Variants in NSD1 observed in about 807,000 individuals in gnomAD.
The protein encoded by NSD1 is nuclear receptor binding SET domain protein 1, also known as histone-lysine N-methyltransferase, H3 lysine-36 specific.
Under a neutral mutation model 242.7 loss-of-function variants are expected in NSD1, and 26 were observed. That is an observed-to-expected ratio of 0.11 (90% confidence interval 0.08 to 0.15). NSD1 has a LOEUF of 0.15. Ranked by LOEUF, NSD1 falls within the 10% of genes least tolerant of loss-of-function variation. The pLI, the probability that NSD1 is intolerant of heterozygous loss-of-function variation, is 1.00. For synonymous variants in NSD1, 1,106 were observed against 1,178.1 expected, an observed-to-expected ratio of 0.94 and a Z score of 1.25; for missense variants, 2,495 against 3,272.8, an observed-to-expected ratio of 0.76 and a Z score of 5.80.
intron 2 of NSD1, among the ~76,000 whole-genome samples, chr5:177,156,438 C>T (rs1185537971): frequency 6.6e-6 from 1 of 152,158 alleles, no homozygotes; most frequent in African/African-American, 2.4e-5. Flanking sequence ...CTCAGCCTCC[C>T]AAAGTGTTGG....
At chr5:177,227,344 C>T (rs1198360325) in intron 5 of NSD1, among the ~76,000 whole-genome samples, 2 of 152,066 alleles carry the variant, frequency 1.3e-5, no homozygotes, top group East Asian at 3.8e-4. Flanking sequence ...TTAAAATATA[C>T]CACAACAATA....
intron 20 of NSD1, chr5:177,288,453 T>A (rs1013794751): frequency 1.0e-5 from 3 of 295,650 alleles, no homozygotes; most frequent in Non-Finnish European, 2.0e-5. Context: ...CAAACAGGTT[T>A]TCCTCATACT....
At chr5:177,225,335 G>T (rs1764553118) in intron 5 of NSD1, among the ~76,000 whole-genome samples, 1 of 152,012 alleles carries the variant, frequency 6.6e-6, no homozygotes, top group Non-Finnish European at 1.5e-5. Context: ...TAGAGACGGG[G>T]TTTCACCATA....
intron 12 of NSD1, among the ~76,000 whole-genome samples, chr5:177,253,424 T>C (rs559520641): frequency 6.6e-6 from 1 of 152,314 alleles, no homozygotes; most frequent in Admixed American, 6.5e-5. Flanking sequence ...TATTTTGAGA[T>C]TCAGTCAGGT....
At chr5:177,185,572 T>C (rs1254634978) in intron 2 of NSD1, among the ~76,000 whole-genome samples, 1 of 148,792 alleles carries the variant, frequency 6.7e-6, no homozygotes, top group African/African-American at 2.5e-5. Context: ...CACTCCAGCC[T>C]GGGGGATGAG....
At chr5:177,268,251 G>A (rs1159322547) in intron 15 of NSD1, among the ~76,000 whole-genome samples, 1 of 148,650 alleles carries the variant, frequency 6.7e-6, no homozygotes, top group Non-Finnish European at 1.5e-5. Flanking sequence ...TGAGACTACA[G>A]GTACATGCCA....
chr5:177,237,121 G>A (rs1183630227), intron 6 of NSD1, among the ~76,000 whole-genome samples: 1 of 152,186 alleles, frequency 6.6e-6, no homozygotes, highest in Non-Finnish European at 1.5e-5. Context: ...GGGATTACAG[G>A]TGTGGGCCAC....
rs151332447 is a variant in NSD1 at position 177,192,585 on chromosome 5, G to A, written c.1063+566G>A. ...CTAATTTTGTATTTTTAGTAGAAAC[G>A]GGGTTTCTCCATGTTGGTCAGACTG... On this transcript the variant is annotated intron_variant, in intron 3 of 22. Transcript: ENST00000439151. Among the ~76,000 whole-genome samples, 993 of 152,166 alleles carry A rather than the reference G, an allele frequency of 6.5e-3. 13 individuals are homozygous for A. The highest frequency in any genetic ancestry group is 0.027 in the East Asian group (139 of 5,180).
chr5:177,214,482 T>C (rs1447852571), intron 5 of NSD1, among the ~76,000 whole-genome samples: 2 of 152,334 alleles, frequency 1.3e-5, no homozygotes, highest in East Asian at 3.9e-4. Context: ...CAACAACTCC[T>C]GATTTTCTCC....
intron 2 of NSD1, among the ~76,000 whole-genome samples, chr5:177,163,223 A>C (rs995244211): frequency 6.6e-6 from 1 of 151,106 alleles, no homozygotes; most frequent in South Asian, 2.1e-4. Context: ...GCTCACTGCA[A>C]CGTCCACCTA....
chr5:177,145,395 T>C (rs1329911772), intron 2 of NSD1, among the ~76,000 whole-genome samples: 1 of 151,922 alleles, frequency 6.6e-6, no homozygotes, highest in Non-Finnish European at 1.5e-5. Flanking sequence ...TCTCCTACTT[T>C]AGCCTCATGA....
chr5:177,282,439 A>C, intron 18 of NSD1, 26 bp from the exon 19 acceptor site: 3 of 1,480,818 alleles, frequency 2.0e-6, no homozygotes, highest in Non-Finnish European at 1.9e-6. Flanking sequence ...TTTTGCCATT[A>C]AGTCAGGAGG....
chr5:177,158,277 C>CT lies in NSD1; in HGVS notation c.927+22250dup, dbSNP rs1235208353. ...TCTTTCTTTCTTTCTTTCTTTCTTT[C>CT]TTTCTTTCTTTCTTTCTTTCTTTCT... On this transcript the variant is annotated intron_variant, in intron 2 of 22. Coordinates refer to ENST00000439151, the MANE Select transcript of NSD1 (RefSeq NM_022455.5). 1.2e-3 allele frequency among the ~76,000 whole-genome samples: 113 copies of CT among 97,170 alleles called. 1 individual carries two copies. Among genetic ancestry groups the CT allele is most frequent in the Non-Finnish European group, 1.2e-3 (65 of 52,322 alleles). 63.7% of individuals were successfully genotyped at this position (97,170 alleles called of 152,430 possible).
chr5:177,166,000 C>T (rs1214529091), intron 2 of NSD1, among the ~76,000 whole-genome samples: 1 of 150,640 alleles, frequency 6.6e-6, no homozygotes, highest in Non-Finnish European at 1.5e-5. Flanking sequence ...ACCTCCGCCT[C>T]CCGGGTTCAA....
chr5:177,173,610 G>C (rs938230196), intron 2 of NSD1, among the ~76,000 whole-genome samples: 1 of 151,662 alleles, frequency 6.6e-6, no homozygotes, highest in Non-Finnish European at 1.5e-5. Flanking sequence ...AGTAGCTGGG[G>C]TTACAGGCAC....
At chr5:177,255,296 T>C (rs1159002591) in intron 12 of NSD1, among the ~76,000 whole-genome samples, 1 of 151,312 alleles carries the variant, frequency 6.6e-6, no homozygotes, top group Non-Finnish European at 1.5e-5. Context: ...GAGAGGGAGA[T>C]TGAGTCTCAA....
chr5:177,272,630 A>C (rs192951542), intron 16 of NSD1, among the ~76,000 whole-genome samples: 1 of 152,170 alleles, frequency 6.6e-6, no homozygotes, highest in Admixed American at 6.5e-5. Context: ...TGACTCATGC[A>C]TGTAATCCTA....
chr5:177,189,201 G>A (rs1386221820), intron 2 of NSD1, among the ~76,000 whole-genome samples: 1 of 152,140 alleles, frequency 6.6e-6, no homozygotes, highest in Admixed American at 6.5e-5. Flanking sequence ...TATAGAGTAG[G>A]TGTTACTTTC....
chr5:177,152,710 C>T (rs932882121), intron 2 of NSD1, among the ~76,000 whole-genome samples: 2 of 150,748 alleles, frequency 1.3e-5, no homozygotes, highest in Non-Finnish European at 3.0e-5. Context: ...GTGATCCGCC[C>T]GCCTCTGCTT....
Sources: allele counts gnomAD v4.1 joint callset (sites outside exome capture counted in the v4.1 genomes callset), GRCh38; gene constraint gnomAD v4.1.1; transcripts MANE v1.5; gene names NCBI Gene and HGNC (gene_info 2026-07-23, HGNC 2026-07-21).